TP63: variants seen among roughly 807,000 people sequenced by gnomAD.
TP63 encodes tumor protein p63, also known as tumor protein 63.
A neutral mutation model predicts 82.8 loss-of-function variants in TP63; 17 were observed. The ratio of observed to expected loss-of-function variants is 0.21; its 90% CI spans 0.14 to 0.31. The LOEUF (loss-of-function observed/expected upper bound fraction) is 0.31, where lower values mean the gene tolerates loss of function less well. TP63 is among the 10% of genes least tolerant of loss of function. The pLI, the probability that TP63 is intolerant of heterozygous loss-of-function variation, is 1.00. For synonymous variants in TP63, 330 were observed against 321.7 expected (o/e 1.03, Z -0.28); for missense variants, 648 against 895.3 (o/e 0.72, Z 3.52).
the TP63 span, among the ~76,000 whole-genome samples, chr3:189,607,981 C>T: frequency 5.5e-4 from 83 of 151,774 alleles, no homozygotes; most frequent in African/African-American, 1.9e-3. Flanking sequence ...TTGAGAGGTT[C>T]AGCCCTTACA....
intron 1 of TP63, among the ~76,000 whole-genome samples, chr3:189,643,024 G>T (rs1037593213): frequency 4.6e-5 from 4 of 87,632 alleles, no homozygotes; most frequent in African/African-American, 1.3e-4. Context: ...CATTTTAGAT[G>T]GAGTTTTGTT....
chr3:189,825,821 T>C (rs1194598030), intron 4 of TP63, among the ~76,000 whole-genome samples: 2 of 152,204 alleles, frequency 1.3e-5, no homozygotes, highest in Non-Finnish European at 2.9e-5. Flanking sequence ...ATGGTAGTCA[T>C]GTACTTCTCA....
At chr3:189,607,015 T>G in the TP63 span, among the ~76,000 whole-genome samples, 2 of 152,190 alleles carry the variant, frequency 1.3e-5, no homozygotes, top group Non-Finnish European at 2.9e-5. Context: ...TGAGCTGTTA[T>G]GTTGGAGAGG....
intron 10 of TP63, chr3:189,873,698 A>T (rs1167786264): frequency 1.9e-5 from 3 of 153,954 alleles, no homozygotes; most frequent in African/African-American, 7.2e-5. Context: ...GATCTTTCCT[A>T]AAGTGATTTT....
chr3:189,782,529 T>C (rs987504363), intron 3 of TP63, among the ~76,000 whole-genome samples: 5 of 152,166 alleles, frequency 3.3e-5, no homozygotes, highest in Admixed American at 1.3e-4. Flanking sequence ...AGATATTTAG[T>C]AGCCATCTTC....
intron 1 of TP63, among the ~76,000 whole-genome samples, chr3:189,729,886 A>G (rs1720037183): frequency 6.6e-6 from 1 of 152,222 alleles, no homozygotes; most frequent in Non-Finnish European, 1.5e-5. Flanking sequence ...ACTAAAAGGC[A>G]TCAAGGTATT....
rs141969530 is a variant in TP63 at position 189,880,817 on chromosome 3, C to A, written c.1350-5577C>A. Reference sequence around the variant, plus strand: ...TGAGAACTTGCATTATTTGTGTCCTCCCCTCATGTGTAGGTAGAACATTTC... The same window carrying A: ...TGAGAACTTGCATTATTTGTGTCCTACCCTCATGTGTAGGTAGAACATTTC... On this transcript the variant is annotated intron_variant, in intron 10 of 13. Coordinates refer to ENST00000264731, the MANE Select transcript of TP63 (RefSeq NM_003722.5). 829 of 985,360 alleles carry A rather than the reference C, an allele frequency of 8.4e-4. 3 individuals carry two copies. The African/African-American group carries it at 0.012, about 15-fold the overall frequency. 61.0% of individuals were successfully genotyped at this position (985,360 alleles called of 1,614,324 possible).
chr3:189,682,620 A>C (rs1483951401), intron 1 of TP63, among the ~76,000 whole-genome samples: 1 of 148,324 alleles, frequency 6.7e-6, no homozygotes, highest in African/African-American at 2.5e-5. Flanking sequence ...TGTTTATTGA[A>C]GTATTATTTA....
intron 1 of TP63, among the ~76,000 whole-genome samples, chr3:189,701,090 G>A (rs992117569): frequency 1.3e-5 from 2 of 152,114 alleles, no homozygotes; most frequent in African/African-American, 4.8e-5. Context: ...ACTGAAGATT[G>A]TTCCTCCTTC....
chr3:189,687,344 A>G (rs541925591), intron 1 of TP63, among the ~76,000 whole-genome samples: 1 of 152,304 alleles, frequency 6.6e-6, no homozygotes, highest in African/African-American at 2.4e-5. Flanking sequence ...CATTTTAGAG[A>G]TGGGAAAACC....
At chr3:189,600,432 T>A in the TP63 span, among the ~76,000 whole-genome samples, 1 of 152,216 alleles carries the variant, frequency 6.6e-6, no homozygotes, top group Non-Finnish European at 1.5e-5. Context: ...TATAATTCTT[T>A]AATTATTGCA....
Position 189,894,549 on chromosome 3 carries a change from C to G in TP63, c.*47C>G, listed in dbSNP as rs1194657993. On this transcript the variant is annotated 3_prime_UTR_variant, in exon 14 of 14. Coordinates refer to ENST00000264731, the MANE Select transcript of TP63 (RefSeq NM_003722.5). ...CTATCCCTCTCCTAACTGCCAGCCCCCTAAAAGCACTCCTGCTTAATCTTC... is the reference window on the plus strand; with the variant it reads ...CTATCCCTCTCCTAACTGCCAGCCCGCTAAAAGCACTCCTGCTTAATCTTC... 1 of 1,604,258 alleles carries G rather than the reference C, an allele frequency of 6.2e-7. No individual in the cohort carries two copies. Among genetic ancestry groups the G allele is most frequent in the Non-Finnish European group, 8.5e-7 (1 of 1,176,980 alleles).
chr3:189,888,200 A>G (rs1053997943), intron 11 of TP63, among the ~76,000 whole-genome samples: 1 of 152,116 alleles, frequency 6.6e-6, no homozygotes, highest in Non-Finnish European at 1.5e-5. Context: ...TGTGTTTGCA[A>G]TGGTTGCCTG....
At chr3:189,643,370 G>T (rs1334391154) in intron 1 of TP63, among the ~76,000 whole-genome samples, 1 of 151,842 alleles carries the variant, frequency 6.6e-6, no homozygotes. Flanking sequence ...AACCCTTACA[G>T]ACAGGGGCTT....
intron 4 of TP63, among the ~76,000 whole-genome samples, chr3:189,834,905 T>A (rs1419355684): frequency 6.9e-6 from 1 of 145,480 alleles, no homozygotes; most frequent in Non-Finnish European, 1.5e-5. Flanking sequence ...TTTTTTTGTC[T>A]TTGCTAAATG....
At chr3:189,833,339 A>G (rs1332695872) in intron 4 of TP63, among the ~76,000 whole-genome samples, 1 of 152,224 alleles carries the variant, frequency 6.6e-6, no homozygotes, top group Non-Finnish European at 1.5e-5. Flanking sequence ...GTGTAAAAGA[A>G]CATTATGCCT....
chr3:189,720,369 A>T (rs1461828650), intron 1 of TP63, among the ~76,000 whole-genome samples: 1 of 152,140 alleles, frequency 6.6e-6, no homozygotes. Context: ...TTTACTTGTG[A>T]AAAAACTTCT....
At chr3:189,770,355 G>A (rs1723246466) in intron 3 of TP63, among the ~76,000 whole-genome samples, 1 of 152,066 alleles carries the variant, frequency 6.6e-6, no homozygotes, top group Non-Finnish European at 1.5e-5. Flanking sequence ...GAGGCAGGTG[G>A]ATTACCTGAG....
intron 4 of TP63, among the ~76,000 whole-genome samples, chr3:189,836,955 A>G (rs1454598991): frequency 1.3e-5 from 2 of 152,242 alleles, no homozygotes; most frequent in African/African-American, 4.8e-5. Flanking sequence ...CAAACCTGTC[A>G]CATTGGCAGG....
Sources: gnomAD v4.1 joint callset for allele counts (sites outside exome capture counted in the v4.1 genomes callset) on GRCh38, gnomAD v4.1.1 for gene constraint, MANE v1.5 for transcripts, NCBI Gene and HGNC (gene_info 2026-07-23, HGNC 2026-07-21) for gene names.